PVT1: variants seen among roughly 807,000 people sequenced by gnomAD.
The protein encoded by PVT1 is Pvt1 oncogene.
chr8:127,822,117 T>C (rs975993819), intron 2 of PVT1, among the ~76,000 whole-genome samples: 17 of 152,220 alleles, frequency 1.1e-4, no homozygotes, highest in African/African-American at 4.1e-4. Context: ...AAGGATTAAA[T>C]GAATTAGTGC....
At chr8:127,856,358 TC>T (rs2129742863) in intron 2 of PVT1, among the ~76,000 whole-genome samples, 1 of 151,960 alleles carries the variant, frequency 6.6e-6, no homozygotes, top group African/African-American at 2.4e-5. Context: ...TATTTTTTTT[TC>T]TTTTTTTTTT....
intron 2 of PVT1, among the ~76,000 whole-genome samples, chr8:127,813,522 G>T (rs1168060935): frequency 6.6e-6 from 1 of 151,994 alleles, no homozygotes; most frequent in Non-Finnish European, 1.5e-5. Context: ...CATCAGTCAG[G>T]GATTCTCCTA....
At chr8:127,995,904 CT>C (rs36001555) in intron 4 of PVT1, among the ~76,000 whole-genome samples, 110,857 of 150,808 alleles carry the variant, frequency 0.74, 42,145 homozygotes, top group South Asian at 0.89. Context: ...TTCAAATGTC[CT>C]TTTTTTTTTT....
intron 4 of PVT1, chr8:127,989,432 G>T (rs1300134146): frequency 1.3e-5 from 2 of 152,066 alleles, no homozygotes; most frequent in Non-Finnish European, 2.9e-5. Flanking sequence ...CGGGAAGCTG[G>T]CTCCCCATAA....
intron 4 of PVT1, among the ~76,000 whole-genome samples, chr8:127,992,562 CATG>C (rs1191350349): frequency 6.6e-6 from 1 of 152,172 alleles, no homozygotes; most frequent in Non-Finnish European, 1.5e-5. Flanking sequence ...CCAGCCACAT[CATG>C]GACCAGAAGC....
chr8:128,081,457 A>T (rs899340525), intron 5 of PVT1, among the ~76,000 whole-genome samples: 1 of 152,240 alleles, frequency 6.6e-6, no homozygotes, highest in African/African-American at 2.4e-5. Flanking sequence ...GCTCATTAGG[A>T]AACTGCCATA....
At chr8:128,035,446 A>G (rs188753329) in intron 4 of PVT1, among the ~76,000 whole-genome samples, 2 of 152,286 alleles carry the variant, frequency 1.3e-5, no homozygotes, top group South Asian at 2.1e-4. Flanking sequence ...GTGGGGGGCC[A>G]AGGGATGGAA....
chr8:127,972,987 C>G (rs904067809), intron 3 of PVT1, among the ~76,000 whole-genome samples: 1 of 152,146 alleles, frequency 6.6e-6, no homozygotes, highest in Admixed American at 6.6e-5. Context: ...TCACTATAAC[C>G]TCGAACTACT....
chr8:127,944,753 C>A (rs946438665), intron 3 of PVT1, among the ~76,000 whole-genome samples: 1 of 152,066 alleles, frequency 6.6e-6, no homozygotes, highest in African/African-American at 2.4e-5. Flanking sequence ...TCAGCCCGGC[C>A]CCTTTGAAGT....
At chr8:128,097,181 C>T (rs1814440071) in intron 6 of PVT1, among the ~76,000 whole-genome samples, 1 of 152,028 alleles carries the variant, frequency 6.6e-6, no homozygotes, top group African/African-American at 2.4e-5. Flanking sequence ...GCCAACATGG[C>T]GAAACCCCAT....
intron 3 of PVT1, among the ~76,000 whole-genome samples, chr8:127,904,959 C>T (rs924539796): frequency 2.0e-5 from 3 of 152,212 alleles, no homozygotes; most frequent in African/African-American, 7.2e-5. Flanking sequence ...TAGGGCAGGA[C>T]TAAGGTTCAG....
intron 3 of PVT1, among the ~76,000 whole-genome samples, chr8:127,905,835 G>T (rs750302387): frequency 1.3e-5 from 2 of 152,214 alleles, no homozygotes; most frequent in Non-Finnish European, 2.9e-5. Flanking sequence ...GAGTGCACTG[G>T]CTTTCGGGGC....
At chr8:128,088,593 G>C (rs1351610618) in intron 5 of PVT1, among the ~76,000 whole-genome samples, 1 of 152,252 alleles carries the variant, frequency 6.6e-6, no homozygotes, top group Non-Finnish European at 1.5e-5. Context: ...CAGAGTAGAT[G>C]CTGTGCACGA....
chr8:127,967,248 A>C (rs752235), intron 3 of PVT1, among the ~76,000 whole-genome samples: 87,789 of 151,560 alleles, frequency 0.58, 25,926 homozygotes, highest in South Asian at 0.76. Context: ...CTGACCCGGG[A>C]TCTCTCCTGG....
chr8:128,067,997 C>T (rs970543357), intron 4 of PVT1, among the ~76,000 whole-genome samples: 6 of 150,532 alleles, frequency 4.0e-5, no homozygotes, highest in Admixed American at 4.0e-4. Context: ...AATATAACCA[C>T]ATCTATAAAA....
At chr8:128,028,388 G>A (rs1339588258) in intron 4 of PVT1, among the ~76,000 whole-genome samples, 5 of 152,216 alleles carry the variant, frequency 3.3e-5, no homozygotes. Context: ...TCCTTTCCCA[G>A]GCTCCCTGTT....
At chr8:127,963,274 C>T (rs1816667122) in intron 3 of PVT1, among the ~76,000 whole-genome samples, 1 of 152,212 alleles carries the variant, frequency 6.6e-6, no homozygotes, top group South Asian at 2.1e-4. Flanking sequence ...TTGGTGACTG[C>T]CTGCCCTCTA....
At chr8:127,808,004 A>G (rs890497749) in intron 2 of PVT1, among the ~76,000 whole-genome samples, 4 of 151,238 alleles carry the variant, frequency 2.6e-5, no homozygotes, top group African/African-American at 9.7e-5. Context: ...TCCTGACCTC[A>G]TGAGCCACCC....
chr8:127,951,885 G>C (rs947299045), intron 3 of PVT1, among the ~76,000 whole-genome samples: 4 of 151,158 alleles, frequency 2.6e-5, no homozygotes, highest in Non-Finnish European at 5.9e-5. Context: ...GCATGATCTC[G>C]GCTTACTGCA....
Sources: gnomAD v4.1 joint callset for allele counts (sites outside exome capture counted in the v4.1 genomes callset) on GRCh38, gnomAD v4.1.1 for gene constraint, MANE v1.5 for transcripts, NCBI Gene and HGNC (gene_info 2026-07-23, HGNC 2026-07-21) for gene names.